ARHGAP19: variants seen among roughly 807,000 people sequenced by gnomAD.
The protein encoded by ARHGAP19 is Rho GTPase activating protein 19.
ARHGAP19 carries 48 observed loss-of-function variants against 60.9 expected under a neutral mutation model. The observed-to-expected ratio is 0.79, with a 90% CI of 0.62 to 1.00. The LOEUF is 1.00. Among genes scored for constraint, ARHGAP19 ranks in the 50% least tolerant of loss-of-function variants. The pLI is 0.00. For missense variants in ARHGAP19, 562 were observed against 597.2 expected, an observed-to-expected ratio of 0.94 and a Z score of 0.61; for synonymous variants, 209 against 215.5, an observed-to-expected ratio of 0.97 and a Z score of 0.27.
intron 8 of ARHGAP19, among the ~76,000 whole-genome samples, chr10:97,236,494 C>T (rs1005368307): frequency 6.6e-6 from 1 of 152,102 alleles, no homozygotes; most frequent in African/African-American, 2.4e-5. Context: ...GTAAAAAATG[C>T]ATCTTTCCTG....
At chr10:97,248,563 C>T (rs1397866874) in intron 6 of ARHGAP19, among the ~76,000 whole-genome samples, 4 of 152,094 alleles carry the variant, frequency 2.6e-5, no homozygotes, top group Non-Finnish European at 5.9e-5. Context: ...ATGTTTTAAT[C>T]TATTTCTTTG....
intron 11 of ARHGAP19, among the ~76,000 whole-genome samples, chr10:97,227,969 A>T (rs1257014300): frequency 6.6e-6 from 1 of 152,260 alleles, no homozygotes; most frequent in African/African-American, 2.4e-5. Context: ...AAAAGTTGTA[A>T]CTGATACAAA....
Position 97,264,336 on chromosome 10 carries a change from C to T in ARHGAP19, c.403+490G>A, listed in dbSNP as rs1842869809. On this transcript the variant is annotated intron_variant, in intron 3 of 11. Transcript: ENST00000358531. ...GGTGTGGTGGTGCAAGCTTGTGATC[C>T]CAGTTACTAGGGAGGCCAAGGTGGG... Among the ~76,000 whole-genome samples, 10 of 152,026 alleles carry T rather than the reference C, an allele frequency of 6.6e-5. No homozygotes were observed. In the South Asian group the frequency reaches 2.1e-3, roughly 32 times the overall value.
At chr10:97,284,226 G>A (rs905779484) in intron 1 of ARHGAP19, among the ~76,000 whole-genome samples, 54 of 152,174 alleles carry the variant, frequency 3.5e-4, no homozygotes, top group African/African-American at 1.1e-3. Context: ...AGGTTCAAGC[G>A]ATTCTCTTGC....
chr10:97,243,205 T>A (rs1163147023), intron 8 of ARHGAP19, among the ~76,000 whole-genome samples: 1 of 152,198 alleles, frequency 6.6e-6, no homozygotes, highest in African/African-American at 2.4e-5. Context: ...TGTTTATACC[T>A]GGCCTTATGC....
chr10:97,226,383 A>G (rs946943428), intron 11 of ARHGAP19, among the ~76,000 whole-genome samples: 2 of 152,248 alleles, frequency 1.3e-5, no homozygotes, highest in Non-Finnish European at 2.9e-5. Context: ...ATTTATGTAC[A>G]TTATTTATCC....
At chr10:97,257,280 TA>T (rs1842767783) in intron 5 of ARHGAP19, among the ~76,000 whole-genome samples, 1 of 118,544 alleles carries the variant, frequency 8.4e-6, no homozygotes, top group Non-Finnish European at 1.7e-5. Context: ...TGCTTTTAAA[TA>T]CTTTTTTTTT....
intron 1 of ARHGAP19, among the ~76,000 whole-genome samples, chr10:97,286,386 G>T (rs966588614): frequency 1.3e-5 from 2 of 152,224 alleles, no homozygotes; most frequent in Non-Finnish European, 2.9e-5. Context: ...GAGGTCAGGG[G>T]TTTAAGACCA....
chr10:97,246,152 A>G (rs893555590), intron 7 of ARHGAP19, 120 bp downstream of exon 7: 1 of 775,092 alleles, frequency 1.3e-6, no homozygotes, highest in Non-Finnish European at 2.1e-6. Flanking sequence ...AGTAATTTTG[A>G]GCTATAATAC....
intron 6 of ARHGAP19, among the ~76,000 whole-genome samples, chr10:97,250,494 C>G (rs191481098): frequency 2.0e-5 from 3 of 151,824 alleles, no homozygotes; most frequent in African/African-American, 7.2e-5. Context: ...AAGTGATTCT[C>G]CTGCCTCAGC....
At chr10:97,262,170 GCTTT>G (rs1215451674) in intron 4 of ARHGAP19, among the ~76,000 whole-genome samples, 1 of 133,950 alleles carries the variant, frequency 7.5e-6, no homozygotes, top group Non-Finnish European at 1.6e-5. Context: ...TGGGGAACAG[GCTTT>G]CTTTTAAAAA....
At chr10:97,282,674 C>T (rs2134921829) in intron 1 of ARHGAP19, among the ~76,000 whole-genome samples, 1 of 152,108 alleles carries the variant, frequency 6.6e-6, no homozygotes, top group Non-Finnish European at 1.5e-5. Context: ...CCCTAGGGAC[C>T]CTCTTCCTTG....
intron 6 of ARHGAP19, among the ~76,000 whole-genome samples, chr10:97,251,269 T>TGGGAAGGGAAG (rs1842648803): frequency 4.4e-4 from 2 of 4,502 alleles, no homozygotes; most frequent in Non-Finnish European, 3.8e-4. Flanking sequence ...GGGAAGGGAA[T>TGGGAAGGGAAG]GGGAAGGGAA....
intron 1 of ARHGAP19, among the ~76,000 whole-genome samples, chr10:97,271,701 G>C (rs1463830816): frequency 2.6e-5 from 4 of 151,984 alleles, no homozygotes; most frequent in Non-Finnish European, 5.9e-5. Context: ...ATTTATTTTA[G>C]ACAGAGTCTC....
At chr10:97,244,885 CTT>C (rs529762498) in intron 7 of ARHGAP19, among the ~76,000 whole-genome samples, 32 of 131,670 alleles carry the variant, frequency 2.4e-4, no homozygotes, top group East Asian at 2.2e-4. Context: ...TAACTTCTCA[CTT>C]TTTTTTTTTT....
At chr10:97,274,582 T>C (rs541854870) in intron 1 of ARHGAP19, among the ~76,000 whole-genome samples, 4 of 152,178 alleles carry the variant, frequency 2.6e-5, no homozygotes, top group Admixed American at 1.3e-4. Context: ...TTGCTAAAGC[T>C]GGGTAATGGG....
intron 1 of ARHGAP19, among the ~76,000 whole-genome samples, chr10:97,270,048 G>A (rs1403066529): frequency 6.6e-6 from 1 of 151,834 alleles, no homozygotes. Flanking sequence ...GCACAAACAG[G>A]TAGAAGAATA....
chr10:97,284,631 T>C (rs1312660733), intron 1 of ARHGAP19, among the ~76,000 whole-genome samples: 1 of 151,870 alleles, frequency 6.6e-6, no homozygotes, highest in Non-Finnish European at 1.5e-5. Context: ...TCGGCCTTCC[T>C]AGCAGCTGAG....
At chr10:97,263,724 G>A in intron 3 of ARHGAP19, 95 bp from the exon 4 acceptor site, 1 of 1,273,918 alleles carries the variant, frequency 7.8e-7, no homozygotes, top group Non-Finnish European at 1.1e-6. Context: ...ACACTTAAAA[G>A]ACCCTTCACA....
Sources: gnomAD v4.1 joint callset for allele counts (sites outside exome capture counted in the v4.1 genomes callset) on GRCh38, gnomAD v4.1.1 for gene constraint, MANE v1.5 for transcripts, NCBI Gene and HGNC (gene_info 2026-07-23, HGNC 2026-07-21) for gene names.